The following RANBP6 variants were observed in gnomAD, a reference collection of about 807,000 sequenced individuals.
RANBP6 encodes the protein ran-binding protein 6.
In RANBP6, 10 loss-of-function variants were observed where a neutral mutation model predicts 35.3. The ratio of observed to expected loss-of-function variants is 0.28; its 90% CI spans 0.17 to 0.48. The LOEUF (loss-of-function observed/expected upper bound fraction) is 0.48, where lower values mean the gene tolerates loss of function less well. Among genes scored for constraint, RANBP6 ranks in the 20% least tolerant of loss-of-function variants. The pLI is 0.99. For synonymous variants in RANBP6, 514 were observed against 464.2 expected, an observed-to-expected ratio of 1.11 and a Z score of -1.38; for missense variants, 1,392 against 1,307.7, an observed-to-expected ratio of 1.06 and a Z score of -0.99.
chr9:6,014,663 A>T lies in RANBP6; in HGVS notation c.945T>A (p.His315Gln). Residue 315 changes from histidine to glutamine, a missense_variant, in exon 1 of 1, where the codon CAT (histidine) becomes CAA (glutamine). His to Gln is a conservative substitution (Grantham distance 24). Transcript: ENST00000259569. ...GTAGATCAACCATCATTGCTAATATATGAGGAACTGCCTGTGCAATAATAT... is the reference window on the plus strand; with the variant it reads ...GTAGATCAACCATCATTGCTAATATTTGAGGAACTGCCTGTGCAATAATAT... ...HTNIIAQAVP[H>Q]ILAMMVDLQD... The T allele has an allele frequency of 6.2e-7, 1 of 1,614,186 alleles. No individual in the cohort carries two copies. Among genetic ancestry groups the T allele is most frequent in the Middle Eastern group, 1.6e-4 (1 of 6,062 alleles).
In RANBP6 at chr9:6,012,122, C is replaced by T. The variant is rs181376476; in HGVS notation, c.*168G>A. 253 of 502,380 alleles carry T rather than the reference C, an allele frequency of 5.0e-4. 2 individuals are homozygous for T. The highest frequency in any genetic ancestry group is 2.8e-3 in the Admixed American group (74 of 26,328). 31.1% of individuals were successfully genotyped at this position (502,380 alleles called of 1,614,324 possible). On this transcript the variant is annotated 3_prime_UTR_variant, in exon 1 of 1. Transcript: ENST00000259569. The stretch of plus-strand genomic sequence containing the variant: ...GTCTGTGTTTGGAAGATAAAACATG[C>T]GAGATAAACAGAGGACTAACACTGA...
Position 6,013,912 on chromosome 9 carries a change from T to A in RANBP6, c.1696A>T (p.Ile566Phe), listed in dbSNP as rs41298208. ...AGACCAATATGGCTAATGCACTCGA[T>A]AGTTTTTCCTCTCAGAAGCTTGAGT... ...KELKLLRGKT[I>F]ECISHIGLAV... Residue 566 changes from isoleucine (I) to phenylalanine (F), a missense_variant, in exon 1 of 1, where the codon ATC becomes TTC. Transcript: ENST00000259569. 2.2e-5 allele frequency: 36 copies of A among 1,614,050 alleles called. No individual in the cohort carries two copies. Among genetic ancestry groups the A allele is most frequent in the Non-Finnish European group, 3.1e-5 (36 of 1,180,010 alleles).
In RANBP6 at chr9:6,013,890, C is replaced by G. The variant is rs754548629; in HGVS notation, c.1718G>C (p.Gly573Ala). ...GKTIECISHIGLAVGKEKFMQ... is the reference protein window; with the variant it reads ...GKTIECISHIALAVGKEKFMQ... The stretch of plus-strand genomic sequence containing the variant: ...AAATTTTTCCTTCCCAACAGCAAGA[C>G]CAATATGGCTAATGCACTCGATAGT... Residue 573 changes from glycine (G) to alanine (A), a missense_variant, in exon 1 of 1, where the codon GGT becomes GCT. Transcript: ENST00000259569. The G allele has an allele frequency of 4.3e-6, 7 of 1,613,840 alleles. No individual in the cohort carries two copies. The African/African-American group carries it at 6.7e-5, about 15-fold the overall frequency.
chr9:6,014,668 G>C lies in RANBP6; in HGVS notation c.940C>G (p.Pro314Ala). The change falls in exon 1 of 1, where the codon CCT becomes GCT. Residue 314 changes from proline to alanine, a missense_variant. Pro to Ala is a conservative substitution (Grantham distance 27, BLOSUM62 -1). Transcript: ENST00000259569. ...KHTNIIAQAVPHILAMMVDLQ... is the reference protein window; with the variant it reads ...KHTNIIAQAVAHILAMMVDLQ... ...TCAACCATCATTGCTAATATATGAGGAACTGCCTGTGCAATAATATTTGTA... is the reference window on the plus strand; with the variant it reads ...TCAACCATCATTGCTAATATATGAGCAACTGCCTGTGCAATAATATTTGTA... 6.2e-7 allele frequency: 1 copy of C among 1,614,134 alleles called. No homozygotes were observed. The highest frequency in any genetic ancestry group is 8.5e-7 in the Non-Finnish European group (1 of 1,180,026).
rs147043824 is a variant in RANBP6 at position 6,012,763 on chromosome 9, G to A, written c.2845C>T (p.Arg949Cys). ...GGAACAGCTTCTGAACATAAAGAAC[G>A]ATAATCATCTCCACCAAACTGTGCC... ...VMAQFGGDDY[R>C]SLCSEAVPLL... Residue 949 changes from arginine (R) to cysteine (C), a missense_variant, in exon 1 of 1, where the codon CGT becomes TGT. Physicochemically the swap from Arg to Cys is radical, Grantham distance 180. Transcript: ENST00000259569. 5.6e-5 allele frequency: 91 copies of A among 1,613,978 alleles called. 1 individual carries two copies. The Middle Eastern group carries it at 2.3e-3, about 41-fold the overall frequency.
chr9:6,013,688 C>T lies in RANBP6; in HGVS notation c.1920G>A (p.Lys640=). Residue 640 remains lysine, a synonymous_variant, in exon 1 of 1, where the codon AAG becomes AAA. Coordinates refer to ENST00000259569, the MANE Select transcript of RANBP6 (RefSeq NM_012416.4). ...CAACATCAGGTTTAGCTGAAGCAGTCTTAATAAGAGGCTCGATAACCAGTG... is the reference window on the plus strand; with the variant it reads ...CAACATCAGGTTTAGCTGAAGCAGTTTTAATAAGAGGCTCGATAACCAGTG... ...YLPLVIEPLI[K]TASAKPDVAL... 6.2e-7 allele frequency: 1 copy of T among 1,614,114 alleles called. No individual in the cohort carries two copies. The highest frequency in any genetic ancestry group is 8.5e-7 in the Non-Finnish European group (1 of 1,180,014).
chr9:6,012,342 T>C lies in RANBP6; in HGVS notation c.3266A>G (p.Gln1089Arg), dbSNP rs777879860. 1 of 1,601,250 alleles carries C rather than the reference T, an allele frequency of 6.2e-7. No homozygotes were observed. The highest frequency in any genetic ancestry group is 8.5e-7 in the Non-Finnish European group (1 of 1,176,208). Residue 1089 changes from glutamine to arginine, a missense_variant, in exon 1 of 1, where the codon CAA becomes CGA. Physicochemically the swap from Gln to Arg is conservative, Grantham distance 43. Coordinates refer to ENST00000259569, the MANE Select transcript of RANBP6 (RefSeq NM_012416.4). Reference protein sequence around the residue: ...SEDLWLECVSQLDDEQQEALQ... With the variant: ...SEDLWLECVSRLDDEQQEALQ... The stretch of plus-strand genomic sequence containing the variant: ...GGCTTCCTGCTGTTCATCATCAAGT[T>C]GTGATACACATTCCAACCATAAATC...
Position 6,013,995 on chromosome 9 carries a change from T to C in RANBP6, c.1613A>G (p.Tyr538Cys). 1 of 1,613,942 alleles carries C rather than the reference T, an allele frequency of 6.2e-7. No individual in the cohort carries two copies. The highest frequency in any genetic ancestry group is 1.7e-5 in the Admixed American group (1 of 60,024). Residue 538 changes from tyrosine to cysteine, a missense_variant, in exon 1 of 1, where the codon TAT becomes TGT. Transcript: ENST00000259569. ...ADTIEEKFVPYYDIFMPSLKH... is the reference protein window; with the variant it reads ...ADTIEEKFVPCYDIFMPSLKH... ...TAGTGAGGGCATGAATATATCATAA[T>C]ATGGGACAAATTTTTCTTCTATTGT...
In RANBP6 at chr9:6,015,266, C is replaced by T; in HGVS notation, c.342G>A (p.Arg114=). 1.2e-6 allele frequency: 2 copies of T among 1,614,150 alleles called. No homozygotes were observed. Among genetic ancestry groups the T allele is most frequent in the Non-Finnish European group, 1.7e-6 (2 of 1,180,018 alleles). Residue 114 remains arginine, a synonymous_variant, in exon 1 of 1, where the codon AGG becomes AGA. Coordinates refer to ENST00000259569, the MANE Select transcript of RANBP6 (RefSeq NM_012416.4). The part of the protein sequence containing the change: ...AVKLETHASM[R]KKLCDIFAVL... Reference sequence around the variant, plus strand: ...CTGCAAAAATATCACAAAGTTTTTTCCTCATGCTAGCATGTGTTTCTAACT... The same window carrying T: ...CTGCAAAAATATCACAAAGTTTTTTTCTCATGCTAGCATGTGTTTCTAACT...
chr9:6,013,968 T>C lies in RANBP6; in HGVS notation c.1640A>G (p.Lys547Arg), dbSNP rs569758605. ...PYYDIFMPSL[K>R]HIVELAVQKE... ...CTGAACAGCAAGCTCAACAATGTGC[T>C]TTAGTGAGGGCATGAATATATCATA... The change falls in exon 1 of 1, where the codon AAG (lysine) becomes AGG (arginine). Residue 547 changes from lysine (K) to arginine (R), a missense_variant. By Grantham distance (26) the Lys-to-Arg change is conservative. Transcript: ENST00000259569. The C allele has an allele frequency of 5.6e-5, 90 of 1,614,006 alleles. 2 individuals carry two copies. In the East Asian group the frequency reaches 2.0e-3, roughly 36 times the overall value.
rs762329063 is a variant in RANBP6, at chr9:6,015,063, TTGA to T, written c.542_544del (p.Ile181del). 1.2e-6 allele frequency: 2 copies of T among 1,614,088 alleles called. No individual in the cohort carries two copies. Among genetic ancestry groups the T allele is most frequent in the African/African-American group, 1.3e-5 (1 of 74,932 alleles). On this transcript the variant is annotated inframe_deletion, in exon 1 of 1. Transcript: ENST00000259569. ...TTGAATACACTGGTCCAACAACCGT[TTGA>T]TGATATCCAAATCATGCCGCTCTTG...
In RANBP6 at chr9:6,013,295, T is replaced by A. The variant is rs757517853; in HGVS notation, c.2313A>T (p.Thr771=). The change falls in exon 1 of 1, where the codon ACA becomes ACT. Residue 771 remains threonine (T), a synonymous_variant. Transcript: ENST00000259569. ...LIKAIGTEPD[T]DVLSEIMNSF... is the part of the protein sequence containing the mutation. ...AATTCATTATTTCTGAGAGCACATC[T>A]GTATCTGGTTCAGTACCAATAGCCT... 1 of 1,614,218 alleles carries A rather than the reference T, an allele frequency of 6.2e-7. No individual in the cohort carries two copies. Among genetic ancestry groups the A allele is most frequent in the East Asian group, 2.2e-5 (1 of 44,888 alleles).
Position 6,014,882 on chromosome 9 carries a change from A to G in RANBP6, c.726T>C (p.Asp242=), listed in dbSNP as rs1361368115. 2 of 1,614,194 alleles carry G rather than the reference A, an allele frequency of 1.2e-6. No individual in the cohort carries two copies. Among genetic ancestry groups the G allele is most frequent in the African/African-American group, 1.3e-5 (1 of 75,068 alleles). The change falls in exon 1 of 1, where the codon GAT becomes GAC. Residue 242 remains aspartate, a synonymous_variant. Coordinates refer to ENST00000259569, the MANE Select transcript of RANBP6 (RefSeq NM_012416.4). The part of the protein sequence containing the change: ...AVNDSCYQDD[D]SVLESLVEIA... ...TCTCAACAAGGGATTCTAGCACTGA[A>G]TCATCATCCTGGTAGCATGAGTCAT...
rs752967790 is a variant in RANBP6, at chr9:6,012,879, T to C, written c.2729A>G (p.Tyr910Cys). ...CATTGGCCACCGAAAATATTCTACA[T>C]ATTTAAATGAAGTTGGACTGCAGTG... ...IEHCSPTSFK[Y>C]VEYFRWPMLL... The change falls in exon 1 of 1, where the codon TAT (tyrosine) becomes TGT (cysteine). Residue 910 changes from tyrosine to cysteine, a missense_variant. Physicochemically the swap from Tyr to Cys is radical, Grantham distance 194 (BLOSUM62 -2). Coordinates refer to ENST00000259569, the MANE Select transcript of RANBP6 (RefSeq NM_012416.4). 1 of 1,614,080 alleles carries C rather than the reference T, an allele frequency of 6.2e-7. No individual in the cohort carries two copies. The highest frequency in any genetic ancestry group is 8.5e-7 in the Non-Finnish European group (1 of 1,180,012).
Position 6,015,006 on chromosome 9 carries a change from G to C in RANBP6, c.602C>G (p.Ser201Cys), listed in dbSNP as rs1239714529. Residue 201 changes from serine (S) to cysteine (C), a missense_variant, in exon 1 of 1, where the codon TCC becomes TGC. Coordinates refer to ENST00000259569, the MANE Select transcript of RANBP6 (RefSeq NM_012416.4). ...DQEHPAIRTL[S>C]ARAAAAFVLA... ...TACAAATGCAGCTGCAGCTCTAGCG[G>C]ATAATGTCCTGATTGCTGGATGTTC... The C allele has an allele frequency of 6.2e-7, 1 of 1,614,212 alleles. No homozygotes were observed. Among genetic ancestry groups the C allele is most frequent in the Non-Finnish European group, 8.5e-7 (1 of 1,180,026 alleles).
In RANBP6 at chr9:6,013,226, A is replaced by T; in HGVS notation, c.2382T>A (p.Asn794Lys). ...SIEVMGDGCLNDEHLEELGGI... is the reference protein window; with the variant it reads ...SIEVMGDGCLKDEHLEELGGI... ...CTCCCAGTTCTTCCAAGTGTTCATC[A>T]TTAAGGCAACCATCTCCCATAACTT... The change falls in exon 1 of 1, where the codon AAT (asparagine) becomes AAA (lysine). Residue 794 changes from asparagine to lysine, a missense_variant. Asn to Lys is a moderately conservative substitution (Grantham distance 94). Coordinates refer to ENST00000259569, the MANE Select transcript of RANBP6 (RefSeq NM_012416.4). 6.2e-7 allele frequency: 1 copy of T among 1,614,076 alleles called. No individual in the cohort carries two copies. Among genetic ancestry groups the T allele is most frequent in the Non-Finnish European group, 8.5e-7 (1 of 1,180,018 alleles).
At position 6,014,977 on chromosome 9, in the gene RANBP6, C is replaced by T; in HGVS notation, c.631G>A (p.Ala211Thr). The T allele has an allele frequency of 6.2e-7, 1 of 1,614,190 alleles. No homozygotes were observed. The highest frequency in any genetic ancestry group is 1.7e-5 in the Admixed American group (1 of 60,030). Residue 211 changes from alanine to threonine, a missense_variant, in exon 1 of 1, where the codon GCT becomes ACT. Ala to Thr is a moderately conservative substitution (Grantham distance 58). Transcript: ENST00000259569. ...SARAAAAFVL[A>T]NENNIALFKD... ...AAAAGAGCAATATTATTCTCATTAG[C>T]AAGTACAAATGCAGCTGCAGCTCTA...
rs1359664640 is a variant in RANBP6, at chr9:6,013,878, C to T, written c.1730G>A (p.Gly577Glu). The T allele has an allele frequency of 1.2e-6, 2 of 1,613,750 alleles. No homozygotes were observed. Among genetic ancestry groups the T allele is most frequent in the Non-Finnish European group, 1.7e-6 (2 of 1,179,926 alleles). Residue 577 changes from glycine (G) to glutamate (E), a missense_variant, in exon 1 of 1, where the codon GGG becomes GAG. By Grantham distance (98) the Gly-to-Glu change is moderately conservative. Transcript: ENST00000259569. ...TGCATCTTGCATAAATTTTTCCTTC[C>T]CAACAGCAAGACCAATATGGCTAAT... ...ECISHIGLAV[G>E]KEKFMQDASN... is the part of the protein sequence containing the mutation.
Position 6,014,601 on chromosome 9 carries a change from T to C in RANBP6, c.1007A>G (p.Glu336Gly), listed in dbSNP as rs746693598. Residue 336 changes from glutamate to glycine, a missense_variant, in exon 1 of 1, where the codon GAA (glutamate) becomes GGA (glycine). Glu to Gly is a moderately conservative substitution (Grantham distance 98). Coordinates refer to ENST00000259569, the MANE Select transcript of RANBP6 (RefSeq NM_012416.4). ...DEDWVNADEM[E>G]EDDFDSNAVA... is the part of the protein sequence containing the mutation. ...TGCATTGCTGTCAAAATCATCTTCT[T>C]CCATTTCATCAGCATTTACCCAGTC... 8.7e-6 allele frequency: 14 copies of C among 1,614,180 alleles called. 1 individual carries two copies. In the South Asian group the frequency reaches 1.2e-4, roughly 14 times the overall value.
Sources: gnomAD v4.1 joint callset for allele counts on GRCh38, gnomAD v4.1.1 for gene constraint, MANE v1.5 for transcripts, NCBI Gene and HGNC (gene_info 2026-07-23, HGNC 2026-07-21) for gene names.